Variants in SGTB observed in about 807,000 individuals in gnomAD.
SGTB encodes the protein small glutamine-rich tetratricopeptide repeat-containing protein beta.
A neutral mutation model predicts 43.9 loss-of-function variants in SGTB; 19 were observed. The observed-to-expected ratio is 0.43, with a 90% confidence interval of 0.30 to 0.63. The LOEUF (loss-of-function observed/expected upper bound fraction) is 0.63. Among genes scored for constraint, SGTB ranks in the 30% least tolerant of loss-of-function variants. The pLI, the probability that SGTB is intolerant of heterozygous loss-of-function variation, is 0.12. For missense variants in SGTB, 304 were observed against 358.9 expected, an observed-to-expected ratio of 0.85 and a Z score of 1.24; for synonymous variants, 116 against 117.3, an observed-to-expected ratio of 0.99 and a Z score of 0.07.
At chr5:65,701,263 C>T (rs1161240928) in intron 5 of SGTB, among the ~76,000 whole-genome samples, 4 of 151,966 alleles carry the variant, frequency 2.6e-5, no homozygotes, top group African/African-American at 7.3e-5. Flanking sequence ...ACTTAAAGAT[C>T]TCTTTCAAAC....
Position 65,680,814 on chromosome 5 carries a change from A to C in SGTB, c.480-20T>G. 6.2e-7 allele frequency: 1 copy of C among 1,605,304 alleles called. No homozygotes were observed. Among genetic ancestry groups the C allele is most frequent in the East Asian group, 2.2e-5 (1 of 44,830 alleles). ...GCCAGCCTGAAGGGAATAGAATATA[A>C]GAATATCAGATATATGATTAAAGAA... On this transcript the variant is annotated intron_variant, in intron 6 of 10. Coordinates refer to ENST00000381007, the MANE Select transcript of SGTB (RefSeq NM_019072.3).
intron 5 of SGTB, among the ~76,000 whole-genome samples, chr5:65,699,523 C>A (rs745339705): frequency 3.9e-4 from 59 of 152,288 alleles, no homozygotes; most frequent in Middle Eastern, 6.8e-3. Context: ...ACATGTACCC[C>A]CAAAGCTACT....
At chr5:65,690,682 T>A (rs1757588380) in intron 5 of SGTB, among the ~76,000 whole-genome samples, 1 of 152,212 alleles carries the variant, frequency 6.6e-6, no homozygotes, top group Admixed American at 6.5e-5. Context: ...TTTTTACTAA[T>A]CATCCTTTTA....
chr5:65,675,688 T>C (rs1379664680), intron 8 of SGTB, among the ~76,000 whole-genome samples: 1 of 152,180 alleles, frequency 6.6e-6, no homozygotes, highest in Non-Finnish European at 1.5e-5. Flanking sequence ...TGGGGGCCCA[T>C]ATTCAACATC....
At chr5:65,673,512 A>C (rs1431344092) in intron 8 of SGTB, among the ~76,000 whole-genome samples, 2 of 152,074 alleles carry the variant, frequency 1.3e-5, no homozygotes, top group Non-Finnish European at 2.9e-5. Context: ...CATGTGAAGG[A>C]CCTAGGTTGA....
rs72766005 is a variant in SGTB, at chr5:65,685,328, T to A, written c.479+40A>T. ...AAGCCATTAAGAACAGCATACCTGA[T>A]GCTACATGGTACTACTTGGAACATC... On this transcript the variant is annotated intron_variant, in intron 6 of 10. Coordinates refer to ENST00000381007, the MANE Select transcript of SGTB (RefSeq NM_019072.3). 31 of 1,568,758 alleles carry A rather than the reference T, an allele frequency of 2.0e-5. No individual in the cohort carries two copies. In the East Asian group the frequency reaches 6.7e-4, roughly 34 times the overall value.
At chr5:65,712,699 C>A (rs1204126962) in intron 3 of SGTB, among the ~76,000 whole-genome samples, 1 of 152,172 alleles carries the variant, frequency 6.6e-6, no homozygotes. Flanking sequence ...TACTCAGATA[C>A]TGTAAAGAAC....
intron 4 of SGTB, among the ~76,000 whole-genome samples, chr5:65,707,439 TA>T (rs372714805): frequency 0.053 from 6,968 of 131,368 alleles, 200 homozygotes; most frequent in Non-Finnish European, 0.064. Flanking sequence ...CACACACATA[TA>T]TTTTTTTTTT....
intron 6 of SGTB, among the ~76,000 whole-genome samples, chr5:65,681,075 TATGTA>T (rs1240313278): frequency 1.3e-5 from 2 of 152,144 alleles, no homozygotes; most frequent in African/African-American, 4.8e-5. Context: ...TTAAGCTTAA[TATGTA>T]AAATAATTTG....
Position 65,708,502 on chromosome 5 carries a change from T to A in SGTB, c.261A>T (p.Gln87His). The part of the protein sequence containing the change: ...SVPEDVGKAD[Q>H]LKDEGNNHMK... ...TGAAATATTCACCTTCATCTTTTAA[T>A]TGGTCAGCTTTTCCCACATCTTCAG... Residue 87 changes from glutamine to histidine, a missense_variant, in exon 4 of 11, where the codon CAA becomes CAT. Gln to His is a conservative substitution (Grantham distance 24). Transcript: ENST00000381007. 3 of 1,612,874 alleles carry A rather than the reference T, an allele frequency of 1.9e-6. No homozygotes were observed. Among genetic ancestry groups the A allele is most frequent in the Non-Finnish European group, 2.5e-6 (3 of 1,179,668 alleles).
In SGTB at chr5:65,670,219, T is replaced by C. The variant is rs1757129209; in HGVS notation, c.*27A>G. 2 of 1,600,262 alleles carry C rather than the reference T, an allele frequency of 1.2e-6. No individual in the cohort carries two copies. Among genetic ancestry groups the C allele is most frequent in the South Asian group, 2.2e-5 (2 of 90,722 alleles). ...TTCATTCATAGCCATAAACCATTTG[T>C]ATCTTGGGCTTGAGCCCCTGGTTAA... On this transcript the variant is annotated 3_prime_UTR_variant, in exon 11 of 11. Coordinates refer to ENST00000381007, the MANE Select transcript of SGTB (RefSeq NM_019072.3).
intron 5 of SGTB, 120 bp from the exon 6 acceptor site, chr5:65,685,592 T>A: frequency 1.4e-6 from 1 of 712,866 alleles, no homozygotes; most frequent in Non-Finnish European, 2.3e-6. Context: ...CCACTAAATT[T>A]CTAAGTCAAA....
At chr5:65,674,174 T>C (rs1177777450) in intron 8 of SGTB, among the ~76,000 whole-genome samples, 4 of 150,494 alleles carry the variant, frequency 2.7e-5, no homozygotes, top group Non-Finnish European at 1.5e-5. Flanking sequence ...TGGGGTACTT[T>C]CTCATGTTCT....
chr5:65,708,375 G>A (rs148884470), intron 4 of SGTB, 114 bp downstream of exon 4: 4 of 818,248 alleles, frequency 4.9e-6, no homozygotes, highest in Admixed American at 2.8e-5. Flanking sequence ...ATTGCCATGT[G>A]CACTTATGAC....
At chr5:65,709,132 A>G (rs984662539) in intron 3 of SGTB, among the ~76,000 whole-genome samples, 1 of 152,208 alleles carries the variant, frequency 6.6e-6, no homozygotes, top group African/African-American at 2.4e-5. Context: ...TCATAAAAAA[A>G]AATGGAATTA....
intron 2 of SGTB, among the ~76,000 whole-genome samples, chr5:65,719,010 T>G (rs1188259078): frequency 6.6e-6 from 1 of 152,212 alleles, no homozygotes; most frequent in African/African-American, 2.4e-5. Flanking sequence ...AACTTTATTT[T>G]CACATAGTCT....
At chr5:65,672,328 G>A (rs754189970) in intron 8 of SGTB, 47 bp from the exon 9 acceptor site, 4 of 1,580,934 alleles carry the variant, frequency 2.5e-6, no homozygotes, top group Non-Finnish European at 3.4e-6. Context: ...TTAATATGTA[G>A]GGATCTTAGC....
At chr5:65,690,908 A>G (rs1408988007) in intron 5 of SGTB, among the ~76,000 whole-genome samples, 1 of 152,248 alleles carries the variant, frequency 6.6e-6, no homozygotes, top group East Asian at 1.9e-4. Flanking sequence ...TTTTGAGCAC[A>G]GTATTCTCAG....
rs761455313 is a variant in SGTB at position 65,695,078 on chromosome 5, C to T, written c.374+9201G>A. The stretch of plus-strand genomic sequence containing the variant: ...TCAATTTCACATCTTAGAAAAAAAA[C>T]GTCTTGGCAGAAGACAGGAGTGGGG... On this transcript the variant is annotated intron_variant, in intron 5 of 10. Transcript: ENST00000381007. Among the ~76,000 whole-genome samples the T allele has an allele frequency of 5.3e-5, 8 of 152,076 alleles. No individual in the cohort carries two copies. In the South Asian group the frequency reaches 1.0e-3, roughly 20 times the overall value.
Sources: gnomAD v4.1 joint callset for allele counts (sites outside exome capture counted in the v4.1 genomes callset) on GRCh38, gnomAD v4.1.1 for gene constraint, MANE v1.5 for transcripts, NCBI Gene and HGNC (gene_info 2026-07-23, HGNC 2026-07-21) for gene names.